The following FOXN3 variants were observed in gnomAD, a reference collection of about 807,000 sequenced individuals.
FOXN3 encodes the protein forkhead box N3, also known as forkhead box protein N3.
Under a neutral mutation model 38.4 loss-of-function variants are expected in FOXN3, and 7 were observed. That is an observed-to-expected ratio of 0.18 (90% CI 0.10 to 0.34). FOXN3 has a LOEUF of 0.34. Ranked by LOEUF, FOXN3 falls within the 10% of genes least tolerant of loss-of-function variation. The pLI, the probability that FOXN3 is intolerant of heterozygous loss-of-function variation, is 1.00. For missense variants in FOXN3, 456 were observed against 613.4 expected (o/e 0.74, Z 2.71); for synonymous variants, 230 against 242.2 (o/e 0.95, Z 0.47).
intron 3 of FOXN3, among the ~76,000 whole-genome samples, chr14:89,321,890 C>T (rs1887908927): frequency 6.6e-6 from 1 of 152,076 alleles, no homozygotes; most frequent in South Asian, 2.1e-4. Flanking sequence ...CGGCAATGAT[C>T]TACCACTCCA....
At chr14:89,353,134 G>A (rs1016420599) in intron 2 of FOXN3, among the ~76,000 whole-genome samples, 1 of 152,234 alleles carries the variant, frequency 6.6e-6, no homozygotes, top group Non-Finnish European at 1.5e-5. Flanking sequence ...GAGCCACACA[G>A]ACGTTTCCTG....
At chr14:89,256,692 A>T (rs1596135554) in intron 4 of FOXN3, among the ~76,000 whole-genome samples, 1 of 152,084 alleles carries the variant, frequency 6.6e-6, no homozygotes, top group East Asian at 1.9e-4. Context: ...AATCCGTGAG[A>T]GTTTAAGGAT....
rs566263234 is a variant in FOXN3, at chr14:89,339,661, G to C, written c.680+11011C>G. Among the ~76,000 whole-genome samples, 14 of 152,314 alleles carry C rather than the reference G, an allele frequency of 9.2e-5. No individual in the cohort carries two copies. In the South Asian group the frequency reaches 2.3e-3, roughly 25 times the overall value. ...GGGCAGGCGGGGAAGCCAGAGTCAC[G>C]CTTTGAGAGCTTCAGACTGTGGGAT... is the stretch of plus-strand genomic sequence containing the variant. On this transcript the variant is annotated intron_variant, in intron 3 of 5. Transcript: ENST00000557258.
At chr14:89,442,154 G>A (rs1031930141) in intron 1 of FOXN3, among the ~76,000 whole-genome samples, 11 of 152,074 alleles carry the variant, frequency 7.2e-5, no homozygotes, top group Admixed American at 1.3e-4. Flanking sequence ...TCGAACTCCT[G>A]ACCTCAGATG....
At chr14:89,514,135 G>C (rs1297850832) in intron 1 of FOXN3, among the ~76,000 whole-genome samples, 1 of 152,182 alleles carries the variant, frequency 6.6e-6, no homozygotes, top group African/African-American at 2.4e-5. Flanking sequence ...GAGCAAAGGA[G>C]ATACCAGAAA....
intron 2 of FOXN3, among the ~76,000 whole-genome samples, chr14:89,370,031 T>C (rs1890269861): frequency 6.6e-6 from 1 of 152,108 alleles, no homozygotes; most frequent in Non-Finnish European, 1.5e-5. Context: ...AAAATGTACA[T>C]CCTTGAACAG....
At chr14:89,419,226 G>GGA, upstream of FOXN3, 1 of 455,730 alleles carries the variant, frequency 2.2e-6, no homozygotes. Flanking sequence ...TGCCTGATGT[G>GGA]GACAGCAGGG....
chr14:89,358,455 G>A (rs544977099), intron 2 of FOXN3, among the ~76,000 whole-genome samples: 105 of 152,260 alleles, frequency 6.9e-4, no homozygotes, highest in South Asian at 2.1e-4. Flanking sequence ...ATACAGACAC[G>A]GACTAGAGTA....
At chr14:89,367,786 T>C (rs1345400373) in intron 2 of FOXN3, among the ~76,000 whole-genome samples, 3 of 152,204 alleles carry the variant, frequency 2.0e-5, no homozygotes, top group Non-Finnish European at 4.4e-5. Context: ...CTGAGCTATC[T>C]GTCCCAGTGG....
intron 1 of FOXN3, among the ~76,000 whole-genome samples, chr14:89,587,475 G>A (rs1895863144): frequency 6.6e-6 from 1 of 152,116 alleles, no homozygotes. Context: ...TAAGGACTGG[G>A]GTCATCTAGA....
At chr14:89,337,965 T>G (rs761749503) in intron 3 of FOXN3, among the ~76,000 whole-genome samples, 30 of 152,276 alleles carry the variant, frequency 2.0e-4, no homozygotes, top group Admixed American at 4.6e-4. Flanking sequence ...CAAAAAAGTT[T>G]CCTCCTGTGA....
Position 89,555,882 on chromosome 14 carries a change from G to GTGTGTGGGT in FOXN3, c.-15+63145_-15+63146insACCCACACA, listed in dbSNP as rs58769284. Among the ~76,000 whole-genome samples, 9 of 104,600 alleles carry GTGTGTGGGT rather than the reference G, an allele frequency of 8.6e-5. 1 individual carries two copies. The highest frequency in any genetic ancestry group is 1.6e-4 in the Non-Finnish European group (8 of 49,348). 68.6% of individuals were successfully genotyped at this position (104,600 alleles called of 152,430 possible). A position where few individuals can be genotyped will look rare whatever the true frequency, so the allele number is the denominator to read the frequency against. On this transcript the variant is annotated intron_variant, in intron 1 of 6. Transcript: ENST00000345097. ...GTGTGTGTGTGTGTGTGTGTATGTGGGGGTGTATGTGGGGGTGTGTGTGTT... is the reference window on the plus strand; with the variant it reads ...GTGTGTGTGTGTGTGTGTGTATGTGGTGTGTGGGTGGGTGTATGTGGGGGTGTGTGTGTT...
At chr14:89,466,846 G>A (rs974028336) in intron 1 of FOXN3, among the ~76,000 whole-genome samples, 1 of 152,162 alleles carries the variant, frequency 6.6e-6, no homozygotes, top group Non-Finnish European at 1.5e-5. Context: ...ATCCCCTCAG[G>A]CCTACGGCAA....
At chr14:89,451,595 A>G (rs1303615268) in intron 1 of FOXN3, among the ~76,000 whole-genome samples, 1 of 152,170 alleles carries the variant, frequency 6.6e-6, no homozygotes, top group Non-Finnish European at 1.5e-5. Flanking sequence ...TCAGGATGAC[A>G]GGGATGCTAC....
intron 4 of FOXN3, 95 bp downstream of exon 4, chr14:89,280,855 G>A (rs1318822950): frequency 2.3e-5 from 25 of 1,101,354 alleles, no homozygotes; most frequent in Non-Finnish European, 3.3e-5. Context: ...TCCTAAACGG[G>A]ACAGAACTGT....
chr14:89,460,825 T>A (rs759199767), intron 1 of FOXN3, among the ~76,000 whole-genome samples: 8 of 149,192 alleles, frequency 5.4e-5, no homozygotes, highest in Non-Finnish European at 1.2e-4. Flanking sequence ...GAGGTTGGAG[T>A]TCGAGACCAG....
At chr14:89,180,022 A>T (rs150950553) in intron 5 of FOXN3, among the ~76,000 whole-genome samples, 1 of 152,234 alleles carries the variant, frequency 6.6e-6, no homozygotes, top group African/African-American at 2.4e-5. Flanking sequence ...ATGGATGGGC[A>T]GGAGTGGGTG....
chr14:89,254,859 C>T (rs1885568805), intron 4 of FOXN3, among the ~76,000 whole-genome samples: 1 of 152,200 alleles, frequency 6.6e-6, no homozygotes, highest in South Asian at 2.1e-4. Flanking sequence ...CACACCTTTG[C>T]CACTGCGGCC....
chr14:89,206,351 C>G (rs1311401315), intron 4 of FOXN3, among the ~76,000 whole-genome samples: 1 of 152,194 alleles, frequency 6.6e-6, no homozygotes, highest in African/African-American at 2.4e-5. Context: ...GCTGCGTATT[C>G]ATTCCAGACA....
Sources: allele counts gnomAD v4.1 joint callset (sites outside exome capture counted in the v4.1 genomes callset), GRCh38; gene constraint gnomAD v4.1.1; transcripts MANE v1.5; gene names NCBI Gene and HGNC (gene_info 2026-07-23, HGNC 2026-07-21).